The following SMG1 variants were observed in gnomAD, a reference collection of about 807,000 sequenced individuals.
SMG1 encodes serine/threonine-protein kinase SMG1.
Under a neutral mutation model 419.9 loss-of-function variants are expected in SMG1, and 22 were observed. The ratio of observed to expected loss-of-function variants is 0.05; its 90% CI spans 0.04 to 0.07. The LOEUF (loss-of-function observed/expected upper bound fraction) is 0.07. SMG1 is among the 10% of genes least tolerant of loss of function. The probability of loss-of-function intolerance (pLI) is 1.00; values close to 1 mark genes in which losing one functional copy is unlikely to be tolerated. For synonymous variants in SMG1, 1,538 were observed against 1,553.5 expected, an observed-to-expected ratio of 0.99 and a Z score of 0.23; for missense variants, 3,185 against 4,342.0, an observed-to-expected ratio of 0.73 and a Z score of 7.49.
intron 43 of SMG1, 23 bp from the exon 44 acceptor site, chr16:18,838,489 T>C (rs2033717641): frequency 6.2e-7 from 1 of 1,613,870 alleles, no homozygotes; most frequent in Non-Finnish European, 8.5e-7. Flanking sequence ...AATCATTATA[T>C]TTTTGCCCTT....
At chr16:18,908,805 G>C (rs62047583) in intron 1 of SMG1, among the ~76,000 whole-genome samples, 1 of 151,548 alleles carries the variant, frequency 6.6e-6, no homozygotes, top group South Asian at 2.1e-4. Flanking sequence ...GCGTGAGCGC[G>C]GGAGGTGGAG....
At chr16:18,893,581 G>A (rs1055929224) in intron 3 of SMG1, among the ~76,000 whole-genome samples, 1 of 151,988 alleles carries the variant, frequency 6.6e-6, no homozygotes, top group African/African-American at 2.4e-5. Flanking sequence ...AATCACACTA[G>A]TGCATTCCAG....
chr16:18,864,496 C>A (rs1033125968), intron 23 of SMG1, among the ~76,000 whole-genome samples: 6 of 151,910 alleles, frequency 3.9e-5, no homozygotes, highest in African/African-American at 1.5e-4. Context: ...CCGCGCCTGG[C>A]CTTTACTTAC....
In SMG1 at chr16:18,847,557, C is replaced by T; in HGVS notation, c.5892G>A (p.Glu1964=). Reference sequence around the variant, plus strand: ...GTTGCAGCAAAACTCCCAGCCAGAGCTCATCCCAGAGCACAGTGACCCTGC... The same window carrying T: ...GTTGCAGCAAAACTCCCAGCCAGAGTTCATCCCAGAGCACAGTGACCCTGC... ...ELRRVTVLWD[E]LWLGVLLQQH... The change falls in exon 38 of 63, where the codon GAG becomes GAA. Residue 1964 remains glutamate, a synonymous_variant. Coordinates refer to ENST00000446231, the MANE Select transcript of SMG1 (RefSeq NM_015092.5). 1.9e-6 allele frequency: 3 copies of T among 1,614,030 alleles called. No individual in the cohort carries two copies. Among genetic ancestry groups the T allele is most frequent in the Non-Finnish European group, 2.5e-6 (3 of 1,179,900 alleles).
intron 6 of SMG1, among the ~76,000 whole-genome samples, chr16:18,885,945 CA>C (rs1175626045): frequency 5.3e-5 from 8 of 151,254 alleles, no homozygotes; most frequent in Non-Finnish European, 1.0e-4. Flanking sequence ...GACTCCATCT[CA>C]AAAAAAATAA....
chr16:18,924,323 C>A (rs2038308121), intron 1 of SMG1, among the ~76,000 whole-genome samples: 3 of 152,206 alleles, frequency 2.0e-5, no homozygotes, highest in Admixed American at 2.0e-4. Flanking sequence ...CACGTGGCTG[C>A]GACTCTTCTC....
rs1240117552 is a variant in SMG1 at position 18,892,338 on chromosome 16, A to G, written c.429T>C (p.Tyr143=). Residue 143 remains tyrosine (Y), a synonymous_variant, in exon 4 of 63, where the codon TAT becomes TAC. Coordinates refer to ENST00000446231, the MANE Select transcript of SMG1 (RefSeq NM_015092.5). ...GATTCGACAGTCGAGACTCATCAGAATAAGACATCGATCTCTCTGTGAATA... is the reference window on the plus strand; with the variant it reads ...GATTCGACAGTCGAGACTCATCAGAGTAAGACATCGATCTCTCTGTGAATA... ...MRKSQERSMS[Y]SDESRLSNLL... 3.2e-6 allele frequency: 5 copies of G among 1,549,618 alleles called. No individual in the cohort carries two copies. In the South Asian group the frequency reaches 3.6e-5, roughly 11 times the overall value.
intron 60 of SMG1, among the ~76,000 whole-genome samples, chr16:18,813,371 G>GAA (rs1213163521): frequency 6.6e-6 from 1 of 152,170 alleles, no homozygotes; most frequent in East Asian, 1.9e-4. Context: ...TCTAACTGGT[G>GAA]TGAGATGGTA....
At chr16:18,891,264 C>T (rs898987008) in intron 4 of SMG1, among the ~76,000 whole-genome samples, 2 of 152,100 alleles carry the variant, frequency 1.3e-5, no homozygotes, top group Non-Finnish European at 2.9e-5. Context: ...AAAATGTTAA[C>T]GACAAAAATT....
chr16:18,846,213 A>T (rs1422212399), intron 38 of SMG1, among the ~76,000 whole-genome samples: 2 of 152,176 alleles, frequency 1.3e-5, no homozygotes, highest in East Asian at 3.8e-4. Context: ...TCAACATGCA[A>T]AAGAATGAAG....
chr16:18,821,221 C>CTTTTTTTTTTTTTTATTTTTT (rs2032508658), intron 55 of SMG1, among the ~76,000 whole-genome samples: 1 of 35,600 alleles, frequency 2.8e-5, no homozygotes, highest in Non-Finnish European at 5.5e-5. Flanking sequence ...TAGTATGTTT[C>CTTTTTTTTTTTTTTATTTTTT]TTTTTTTTTT....
At chr16:18,836,312 AT>A in intron 47 of SMG1, 47 bp downstream of exon 47, 1 of 1,599,320 alleles carries the variant, frequency 6.3e-7, no homozygotes, top group Non-Finnish European at 8.5e-7. Flanking sequence ...ACACATGACT[AT>A]AAAACTCATA....
intron 3 of SMG1, among the ~76,000 whole-genome samples, chr16:18,895,000 G>A (rs1407526558): frequency 1.3e-5 from 2 of 151,954 alleles, no homozygotes; most frequent in Admixed American, 6.6e-5. Context: ...TGTATTTTCA[G>A]TAGAGACAGG....
At chr16:18,873,570 T>C (rs1245657920) in intron 13 of SMG1, among the ~76,000 whole-genome samples, 2 of 152,186 alleles carry the variant, frequency 1.3e-5, no homozygotes, top group Non-Finnish European at 2.9e-5. Flanking sequence ...GTTGTACACT[T>C]CTGTGAATAT....
At chr16:18,849,400 A>C (rs144811662) in intron 35 of SMG1, 22 bp from the exon 36 acceptor site, 1 of 1,598,278 alleles carries the variant, frequency 6.3e-7, no homozygotes, top group African/African-American at 1.3e-5. Flanking sequence ...GAAGAGAGAA[A>C]GACACTTTAA....
rs1233713086 is a variant in SMG1 at position 18,836,522 on chromosome 16, G to A, written c.7615C>T (p.His2539Tyr). The part of the protein sequence containing the change: ...SHTLQHRYSE[H>Y]TQLQTQQRAV... ...CTTTGCTGAGTCTGTAGTTGGGTGT[G>A]CTCAGAATACCTAATCAGGGGGACA... is the stretch of plus-strand genomic sequence containing the variant. Residue 2539 changes from histidine to tyrosine, a missense_variant, in exon 47 of 63, where the codon CAC (histidine) becomes TAC (tyrosine). This residue lies in a region of SMG1 where 412 missense variants were observed against 546.6 expected (regional missense o/e 0.75). Coordinates refer to ENST00000446231, the MANE Select transcript of SMG1 (RefSeq NM_015092.5). The A allele has an allele frequency of 1.9e-6, 3 of 1,612,600 alleles. No homozygotes were observed. Among genetic ancestry groups the A allele is most frequent in the South Asian group, 1.1e-5 (1 of 90,734 alleles).
intron 1 of SMG1, among the ~76,000 whole-genome samples, chr16:18,917,413 T>G (rs1248958514): frequency 1.3e-5 from 2 of 151,942 alleles, no homozygotes; most frequent in African/African-American, 4.8e-5. Context: ...CCTCCCAAAG[T>G]GCTGGGATTA....
intron 1 of SMG1, among the ~76,000 whole-genome samples, chr16:18,899,397 A>C (rs2037260762): frequency 6.6e-6 from 1 of 152,198 alleles, no homozygotes; most frequent in African/African-American, 2.4e-5. Flanking sequence ...ACTGGAATAG[A>C]GCCACTGTCT....
rs1422170777 is a variant in SMG1, at chr16:18,819,613, G to A, written c.9783C>T (p.Leu3261=). The A allele has an allele frequency of 1.3e-6, 2 of 1,591,360 alleles. No individual in the cohort carries two copies. The highest frequency in any genetic ancestry group is 1.7e-6 in the Non-Finnish European group (2 of 1,168,126). The change falls in exon 56 of 63, where the codon CTC becomes CTT. Residue 3261 remains leucine (L), a synonymous_variant. Coordinates refer to ENST00000446231, the MANE Select transcript of SMG1 (RefSeq NM_015092.5). The part of the protein sequence containing the change: ...AALESSIEQR[L]KWAGGANPAL... ...CAGGGTTGGCACCACCTGCCCACTTGAGTCGCTGTTCAATACTTGATTCAA... is the reference window on the plus strand; with the variant it reads ...CAGGGTTGGCACCACCTGCCCACTTAAGTCGCTGTTCAATACTTGATTCAA...
Sources: allele counts gnomAD v4.1 joint callset (sites outside exome capture counted in the v4.1 genomes callset), GRCh38; gene constraint gnomAD v4.1.1; regional missense constraint gnomAD v4.1.1; transcripts MANE v1.5; gene names NCBI Gene and HGNC (gene_info 2026-07-23, HGNC 2026-07-21).